Variants in TNIP2 observed in about 807,000 individuals in gnomAD.
The protein encoded by TNIP2 is TNFAIP3 interacting protein 2.
Under a neutral mutation model 43.7 loss-of-function variants are expected in TNIP2, and 30 were observed. The ratio of observed to expected loss-of-function variants is 0.69; its 90% CI spans 0.51 to 0.93. The LOEUF is 0.93. Ranked by LOEUF, TNIP2 falls within the 40% of genes least tolerant of loss-of-function variation. TNIP2 has a pLI of 0.00. For missense variants in TNIP2, 599 were observed against 591.0 expected (o/e 1.01, Z -0.14); for synonymous variants, 260 against 254.6 (o/e 1.02, Z -0.20).
Position 2,744,780 on chromosome 4 carries a change from A to G in TNIP2, c.823T>C (p.Cys275Arg). ...GCCAGCTCCTGCTTCACTTCGGCAC[A>G]GTCATTTATTTTCTCTTCCAACTGT... ...NRQLEEKIND[C>R]AEVKQELAAS... Residue 275 changes from cysteine (C) to arginine (R), a missense_variant, in exon 4 of 6, where the codon TGT (cysteine) becomes CGT (arginine). By Grantham distance (180) the Cys-to-Arg change is radical (BLOSUM62 -3). Coordinates refer to ENST00000315423, the MANE Select transcript of TNIP2 (RefSeq NM_024309.4). The surrounding 1 kb of genome is among the most constrained non-coding windows in gnomAD (Gnocchi z 5.1). The G allele has an allele frequency of 6.2e-7, 1 of 1,612,192 alleles. No individual in the cohort carries two copies. Among genetic ancestry groups the G allele is most frequent in the Non-Finnish European group, 8.5e-7 (1 of 1,180,042 alleles).
In TNIP2 at chr4:2,745,358, C is replaced by T. The variant is rs972472019; in HGVS notation, c.657+88G>A. 2.9e-5 allele frequency: 29 copies of T among 1,017,192 alleles called. No homozygotes were observed. In the African/African-American group the frequency reaches 3.2e-4, roughly 11 times the overall value. The allele number at this position is 1,017,192 out of a possible 1,614,324, so 63.0% of individuals were successfully genotyped here. A position where few individuals can be genotyped will look rare whatever the true frequency, so the allele number is the denominator to read the frequency against. On this transcript the variant is annotated intron_variant, in intron 3 of 5. Transcript: ENST00000315423. The stretch of plus-strand genomic sequence containing the variant: ...GTCCTAGTGGCCAGAGGGCGGGGGG[C>T]GACTCTGGGCATCAGCCAAGGAAAG...
chr4:2,756,134 C>A lies in TNIP2; in HGVS notation c.156G>T (p.Leu52=). 1 of 1,473,646 alleles carries A rather than the reference C, an allele frequency of 6.8e-7. No homozygotes were observed. The highest frequency in any genetic ancestry group is 2.5e-5 in the Admixed American group (1 of 40,610). 91.3% of individuals were successfully genotyped at this position (1,473,646 alleles called of 1,614,324 possible). Residue 52 remains leucine (L), a synonymous_variant, in exon 1 of 6, where the codon CTG becomes CTT. Coordinates refer to ENST00000315423, the MANE Select transcript of TNIP2 (RefSeq NM_024309.4). ...GCGCGGCGTCCCCCTCCAGCGCGGC[C>A]AGGCGGGCGCGGAGGCGAGCGATGA... The part of the protein sequence containing the change: ...DALIARLRAR[L]AALEGDAAPS...
intron 1 of TNIP2, among the ~76,000 whole-genome samples, chr4:2,751,478 G>A (rs369967377): frequency 2.0e-4 from 30 of 152,278 alleles, no homozygotes; most frequent in African/African-American, 6.7e-4. Context: ...CAAACTTGGT[G>A]TCTTAAACAA....
At chr4:2,745,308 A>G in intron 3 of TNIP2, 138 bp downstream of exon 3, 1 of 682,028 alleles carries the variant, frequency 1.5e-6, no homozygotes, top group South Asian at 1.8e-5. Context: ...AAAAAAGTCC[A>G]GTCTCTAGGG....
intron 2 of TNIP2, among the ~76,000 whole-genome samples, chr4:2,746,945 C>T (rs1016836666): frequency 2.6e-5 from 4 of 152,228 alleles, no homozygotes; most frequent in Admixed American, 6.5e-5. Flanking sequence ...CGGTCCTTCT[C>T]TCTCCCACTA....
rs539733626 is a variant in TNIP2, at chr4:2,747,698, C to T, written c.524G>A (p.Arg175Gln). Reference protein sequence around the residue: ...CQHLAKCLDERQHAQRNVGER... With the variant: ...CQHLAKCLDEQQHAQRNVGER... ...CCCCACATTCCTTTGTGCATGCTGT[C>T]GTTCATCCAGACACTTGGCCAGATG... is the stretch of plus-strand genomic sequence containing the variant. Residue 175 changes from arginine to glutamine, a missense_variant, in exon 2 of 6, where the codon CGA becomes CAA. Transcript: ENST00000315423. 1.2e-5 allele frequency: 19 copies of T among 1,602,588 alleles called. No individual in the cohort carries two copies. The highest frequency in any genetic ancestry group is 9.9e-5 in the South Asian group (9 of 91,072).
rs539183386 is a variant in TNIP2, at chr4:2,748,729, G to A, written c.277-784C>T. On this transcript the variant is annotated intron_variant, in intron 1 of 5. Transcript: ENST00000315423. Reference sequence around the variant, plus strand: ...GGCTAATCTCGAATTCCTGACCTTAGATGATCCGCCAGCCTTGGCCTCCCA... The same window carrying A: ...GGCTAATCTCGAATTCCTGACCTTAAATGATCCGCCAGCCTTGGCCTCCCA... Among the ~76,000 whole-genome samples the A allele has an allele frequency of 1.1e-3, 142 of 134,110 alleles. 1 individual carries two copies. Among genetic ancestry groups the A allele is most frequent in the Admixed American group, 9.6e-3 (138 of 14,360 alleles). The allele number at this position is 134,110 out of a possible 152,430, so 88.0% of individuals were successfully genotyped here.
At chr4:2,747,409 G>A in intron 2 of TNIP2, 1 of 473,060 alleles carries the variant, frequency 2.1e-6, no homozygotes, top group East Asian at 3.3e-5. Flanking sequence ...CCACCTGGGA[G>A]CGGGGTCGGC....
chr4:2,744,714 G>A lies in TNIP2; in HGVS notation c.889C>T (p.Gln297Ter). 1.2e-6 allele frequency: 2 copies of A among 1,603,680 alleles called. No homozygotes were observed. Residue 297 changes from glutamine to a stop codon, truncating the protein, a stop_gained, in exon 4 of 6, where the codon CAG becomes TAG. Transcript: ENST00000315423. LOFTEE classifies it high-confidence loss of function. The surrounding 1 kb of genome is among the most constrained non-coding windows in gnomAD (Gnocchi z 5.1). The part of the protein sequence containing the change: ...TARDAALERV[Q>*]MLEQQILAYK... ...ACAGACACCTGCTGTTCCAGCATCT[G>A]CACCCGCTCCAACGCAGCATCCCGG...
intron 1 of TNIP2, among the ~76,000 whole-genome samples, chr4:2,748,828 C>G (rs1414864865): frequency 1.4e-5 from 2 of 147,970 alleles, no homozygotes; most frequent in African/African-American, 5.0e-5. Flanking sequence ...CAGGGTCTCA[C>G]TGTCACCCAG....
intron 1 of TNIP2, among the ~76,000 whole-genome samples, chr4:2,755,541 C>T (rs1044880342): frequency 7.4e-5 from 11 of 149,150 alleles, no homozygotes; most frequent in Non-Finnish European, 1.2e-4. Context: ...CCAGAGCCCC[C>T]TCACCTCCAC....
At chr4:2,755,843 C>T in intron 1 of TNIP2, 171 bp downstream of exon 1, 1 of 991,156 alleles carries the variant, frequency 1.0e-6, no homozygotes, top group Non-Finnish European at 1.3e-6. Flanking sequence ...CCCTCAACTC[C>T]CAGGACCTGG....
rs544246305 is a variant in TNIP2 at position 2,752,041 on chromosome 4, G to A, written c.276+3973C>T. ...AATCGCTTGAACCCGGGAGGTGGAG[G>A]TTGCACTGAGCCAAGATCCCGCCAC... On this transcript the variant is annotated intron_variant, in intron 1 of 5. Transcript: ENST00000315423. Among the ~76,000 whole-genome samples, 4 of 151,264 alleles carry A rather than the reference G, an allele frequency of 2.6e-5. No homozygotes were observed. The East Asian group carries it at 7.8e-4, about 29-fold the overall frequency.
chr4:2,752,717 C>T (rs529943242), intron 1 of TNIP2, among the ~76,000 whole-genome samples: 6 of 152,276 alleles, frequency 3.9e-5, no homozygotes, highest in Admixed American at 6.5e-5. Context: ...TCAGATTGAA[C>T]GTTGGGATGA....
Position 2,742,273 on chromosome 4 carries a change from G to C in TNIP2, c.1274C>G (p.Ala425Gly). The C allele has an allele frequency of 1.3e-6, 2 of 1,488,016 alleles. No individual in the cohort carries two copies. The highest frequency in any genetic ancestry group is 1.8e-6 in the Non-Finnish European group (2 of 1,114,278). 92.2% of individuals were successfully genotyped at this position (1,488,016 alleles called of 1,614,324 possible). A position where few individuals can be genotyped will look rare whatever the true frequency, so the allele number is the denominator to read the frequency against. Reference protein sequence around the residue: ...EQGEELLRHVAECCQ With the variant: ...EQGEELLRHVGECCQ ...GAGTCTCGGTCACTGGCAGCACTCA[G>C]CCACATGCCTGAGGAGCTCTTCCCC... The change falls in exon 6 of 6, where the codon GCT (alanine) becomes GGT (glycine). Residue 425 changes from alanine to glycine, a missense_variant. By Grantham distance (60) the Ala-to-Gly change is moderately conservative. Transcript: ENST00000315423.
At chr4:2,749,551 C>T (rs1400887300) in intron 1 of TNIP2, among the ~76,000 whole-genome samples, 10 of 152,160 alleles carry the variant, frequency 6.6e-5, no homozygotes, top group Admixed American at 5.9e-4. Context: ...ATAGGAGTGA[C>T]GTCTTGTCTT....
At chr4:2,754,573 C>T (rs1392203843) in intron 1 of TNIP2, among the ~76,000 whole-genome samples, 7 of 152,184 alleles carry the variant, frequency 4.6e-5, no homozygotes, top group Non-Finnish European at 8.8e-5. Flanking sequence ...CCCGCCACCA[C>T]GCCCAGCTAA....
chr4:2,754,530 C>A (rs973175615), intron 1 of TNIP2, among the ~76,000 whole-genome samples: 1 of 152,352 alleles, frequency 6.6e-6, no homozygotes, highest in African/African-American at 2.4e-5. Context: ...CATTCTCCTG[C>A]CTCCGCCTCC....
chr4:2,753,961 G>C (rs961430143), intron 1 of TNIP2, among the ~76,000 whole-genome samples: 4 of 152,238 alleles, frequency 2.6e-5, no homozygotes, highest in Non-Finnish European at 1.5e-5. Flanking sequence ...ACCATGCCAA[G>C]TGTACACACA....
Sources: gnomAD v4.1 joint callset for allele counts (sites outside exome capture counted in the v4.1 genomes callset) on GRCh38, gnomAD v4.1.1 for gene constraint, Gnocchi (gnomAD v3.1) non-coding constraint, MANE v1.5 for transcripts, NCBI Gene and HGNC (gene_info 2026-07-23, HGNC 2026-07-21) for gene names.